Variants in ARHGAP10 observed in about 807,000 individuals in gnomAD.
The protein encoded by ARHGAP10 is Rho GTPase activating protein 10.
ARHGAP10 carries 87 observed loss-of-function variants against 108.6 expected under a neutral mutation model. The observed-to-expected ratio is 0.80, with a 90% confidence interval of 0.67 to 0.96. The LOEUF (loss-of-function observed/expected upper bound fraction) is 0.96. Ranked by LOEUF, ARHGAP10 falls within the 40% of genes least tolerant of loss-of-function variation. ARHGAP10 has a pLI of 0.00. For missense variants in ARHGAP10, 939 were observed against 954.5 expected, an observed-to-expected ratio of 0.98 and a Z score of 0.21; for synonymous variants, 347 against 341.1, an observed-to-expected ratio of 1.02 and a Z score of -0.19.
intron 13 of ARHGAP10, among the ~76,000 whole-genome samples, chr4:147,918,795 T>C (rs1737102145): frequency 6.6e-6 from 1 of 152,244 alleles, no homozygotes; most frequent in African/African-American, 2.4e-5. Flanking sequence ...ACATGGGTAC[T>C]GAGAATCTAG....
chr4:147,756,888 T>TC (rs998574125), intron 1 of ARHGAP10, among the ~76,000 whole-genome samples: 4 of 151,946 alleles, frequency 2.6e-5, no homozygotes, highest in African/African-American at 9.7e-5. Context: ...TAATTGTTTT[T>TC]TTTTTTTTCA....
chr4:147,742,509 G>A (rs1728723206), intron 1 of ARHGAP10, among the ~76,000 whole-genome samples: 1 of 116,434 alleles, frequency 8.6e-6, no homozygotes, highest in Non-Finnish European at 1.7e-5. Flanking sequence ...TTGAGATGGA[G>A]TCTCGCTTTT....
chr4:147,963,601 G>A (rs1413736982), intron 16 of ARHGAP10, among the ~76,000 whole-genome samples: 5 of 152,194 alleles, frequency 3.3e-5, no homozygotes, highest in Admixed American at 2.0e-4. Flanking sequence ...CAAAGTTTGG[G>A]GGTTAAGGGA....
chr4:147,745,729 G>C (rs1156566600), intron 1 of ARHGAP10, among the ~76,000 whole-genome samples: 1 of 151,422 alleles, frequency 6.6e-6, no homozygotes, highest in Non-Finnish European at 1.5e-5. Flanking sequence ...CTGACCTCTT[G>C]ATCTGCCCGC....
chr4:148,023,459 T>A (rs1486051987), intron 19 of ARHGAP10, 46 bp downstream of exon 19: 4 of 1,579,954 alleles, frequency 2.5e-6, no homozygotes, highest in Non-Finnish European at 3.5e-6. Context: ...GTTGAGAGTA[T>A]GGCGTATCAT....
chr4:147,941,478 A>C (rs2126963823), intron 14 of ARHGAP10, among the ~76,000 whole-genome samples: 1 of 152,332 alleles, frequency 6.6e-6, no homozygotes, highest in South Asian at 2.1e-4. Context: ...TGACCTGGAA[A>C]ACTGTTTTTA....
chr4:147,899,059 G>T (rs1736116184), intron 10 of ARHGAP10, among the ~76,000 whole-genome samples: 1 of 152,170 alleles, frequency 6.6e-6, no homozygotes, highest in Non-Finnish European at 1.5e-5. Flanking sequence ...AGGACACAGA[G>T]TAGCCCATTG....
At chr4:147,787,616 C>A (rs1730937410) in intron 1 of ARHGAP10, among the ~76,000 whole-genome samples, 1 of 152,154 alleles carries the variant, frequency 6.6e-6, no homozygotes, top group African/African-American at 2.4e-5. Flanking sequence ...AGAAAAACCT[C>A]ATTTTGGTCT....
chr4:147,756,929 T>A lies in ARHGAP10; in HGVS notation c.154+24474T>A, dbSNP rs994898612. Among the ~76,000 whole-genome samples the A allele has an allele frequency of 3.0e-4, 45 of 151,334 alleles. 1 individual carries two copies. Among genetic ancestry groups the A allele is most frequent in the Non-Finnish European group, 7.4e-5 (5 of 67,856 alleles). ...TTATAAGAAGAGGGAAGGGCATTCA[T>A]GAATGCCTGGTATAATGGAAAAGGC... On this transcript the variant is annotated intron_variant, in intron 1 of 22. Transcript: ENST00000336498.
chr4:147,867,945 A>G (rs1372826673), intron 7 of ARHGAP10, among the ~76,000 whole-genome samples: 1 of 147,730 alleles, frequency 6.8e-6, no homozygotes, highest in African/African-American at 2.5e-5. Flanking sequence ...TTTTTTATGT[A>G]CAGTTCCTTA....
intron 1 of ARHGAP10, among the ~76,000 whole-genome samples, chr4:147,749,688 A>G (rs1284454299): frequency 6.6e-6 from 1 of 152,220 alleles, no homozygotes; most frequent in Non-Finnish European, 1.5e-5. Flanking sequence ...AATATTTTCC[A>G]TCTTTCGAGT....
At chr4:147,998,197 G>A (rs1740555614) in intron 18 of ARHGAP10, among the ~76,000 whole-genome samples, 2 of 152,162 alleles carry the variant, frequency 1.3e-5, no homozygotes, top group Non-Finnish European at 2.9e-5. Context: ...GATTGGGAAG[G>A]ATAAAAGAGA....
intron 13 of ARHGAP10, among the ~76,000 whole-genome samples, chr4:147,933,992 C>A (rs1737820504): frequency 6.6e-6 from 1 of 152,186 alleles, no homozygotes; most frequent in African/African-American, 2.4e-5. Flanking sequence ...CTCAGGCTCC[C>A]AGGCTGCGAG....
At position 147,819,099 on chromosome 4, in the gene ARHGAP10, A is replaced by G. The variant is rs151029788; in HGVS notation, c.155-3628A>G. On this transcript the variant is annotated intron_variant, in intron 1 of 22. Coordinates refer to ENST00000336498, the MANE Select transcript of ARHGAP10 (RefSeq NM_024605.4). ...ATGAGCCCCAATTTAATCTGTTACA[A>G]ACATTTTCAACTAATGAAATTAGGC... Among the ~76,000 whole-genome samples, 54 of 152,376 alleles carry G rather than the reference A, an allele frequency of 3.5e-4. No homozygotes were observed. The South Asian group carries it at 7.7e-3, about 22-fold the overall frequency.
At chr4:148,040,811 AT>A (rs980186613) in intron 19 of ARHGAP10, among the ~76,000 whole-genome samples, 35 of 145,842 alleles carry the variant, frequency 2.4e-4, no homozygotes, top group Non-Finnish European at 4.6e-4. Context: ...ATTAAAAAAG[AT>A]TTGGGGGGGG....
At chr4:147,961,092 AG>A (rs1436121330) in intron 16 of ARHGAP10, among the ~76,000 whole-genome samples, 1 of 152,150 alleles carries the variant, frequency 6.6e-6, no homozygotes, top group Non-Finnish European at 1.5e-5. Context: ...GGTCGGTCAT[AG>A]GGTATGTGTT....
chr4:148,039,368 A>ATTTTTTTTTTTTTTTTTTTTTT lies in ARHGAP10; in HGVS notation c.1868-7516_1868-7495dup, dbSNP rs34876546. ...TTAATACTTTAAGAATACTACTTCAATTTTTTTTTTTTTTTTTTTTTTTTT... is the reference window on the plus strand; with the variant it reads ...TTAATACTTTAAGAATACTACTTCAATTTTTTTTTTTTTTTTTTTTTTTTTTTTTTTTTTTTTTTTTTTTTTT... On this transcript the variant is annotated intron_variant, in intron 19 of 22. Transcript: ENST00000336498. 2.2e-4 allele frequency among the ~76,000 whole-genome samples: 16 copies of ATTTTTTTTTTTTTTTTTTTTTT among 73,088 alleles called. 1 individual carries two copies. Among genetic ancestry groups the ATTTTTTTTTTTTTTTTTTTTTT allele is most frequent in the African/African-American group, 4.5e-4 (8 of 17,676 alleles). The allele number at this position is 73,088 out of a possible 152,430, so 47.9% of individuals were successfully genotyped here. A position where few individuals can be genotyped will look rare whatever the true frequency, so the allele number is the denominator to read the frequency against.
At chr4:147,966,082 G>T (rs998417388) in intron 17 of ARHGAP10, among the ~76,000 whole-genome samples, 1 of 152,230 alleles carries the variant, frequency 6.6e-6, no homozygotes, top group Non-Finnish European at 1.5e-5. Flanking sequence ...GAGTGATTGT[G>T]GGTGCTCTGA....
chr4:147,965,733 A>G (rs1213872503), intron 17 of ARHGAP10, among the ~76,000 whole-genome samples: 1 of 152,226 alleles, frequency 6.6e-6, no homozygotes, highest in African/African-American at 2.4e-5. Context: ...TTAGCCATTT[A>G]TTCATTTGGT....
Sources: gnomAD v4.1 joint callset for allele counts (sites outside exome capture counted in the v4.1 genomes callset) on GRCh38, gnomAD v4.1.1 for gene constraint, MANE v1.5 for transcripts, NCBI Gene and HGNC (gene_info 2026-07-23, HGNC 2026-07-21) for gene names.